Variants in PLXNA2 observed in about 807,000 individuals in gnomAD.
PLXNA2 encodes the protein plexin-A2.
Under a neutral mutation model 193.5 loss-of-function variants are expected in PLXNA2, and 91 were observed. The observed-to-expected ratio is 0.47, with a 90% CI of 0.40 to 0.56. PLXNA2 has a LOEUF of 0.56. Among genes scored for constraint, PLXNA2 ranks in the 20% least tolerant of loss-of-function variants. The probability of loss-of-function intolerance (pLI) is 0.00; values close to 1 mark genes in which losing one functional copy is unlikely to be tolerated. For missense variants in PLXNA2, 1,995 were observed against 2,503.2 expected, an observed-to-expected ratio of 0.80 and a Z score of 4.33; for synonymous variants, 997 against 1,027.3, an observed-to-expected ratio of 0.97 and a Z score of 0.56.
chr1:208,115,606 G>A (rs1667611577), intron 4 of PLXNA2, among the ~76,000 whole-genome samples: 1 of 152,128 alleles, frequency 6.6e-6, no homozygotes, highest in Non-Finnish European at 1.5e-5. Flanking sequence ...CCTGTACCTT[G>A]CTGATAGCTG....
chr1:208,107,273 G>A (rs1667300041), intron 4 of PLXNA2, among the ~76,000 whole-genome samples: 1 of 152,158 alleles, frequency 6.6e-6, no homozygotes, highest in Non-Finnish European at 1.5e-5. Context: ...TTCTTACGCA[G>A]GCCAACCACT....
intron 3 of PLXNA2, among the ~76,000 whole-genome samples, chr1:208,148,104 T>C (rs1381053309): frequency 1.3e-5 from 2 of 152,204 alleles, no homozygotes; most frequent in Non-Finnish European, 2.9e-5. Flanking sequence ...TCAGCTTCTT[T>C]TCTTGAATAT....
rs1268981120 is a variant in PLXNA2 at position 208,024,161 on chromosome 1, G to A, written c.*3082C>T. ...TGTCTCTTGTGCAGATCAATGAAAC[G>A]AAGCGAAGCTGGATAGACTTTGGAG... On this transcript the variant is annotated 3_prime_UTR_variant, in exon 32 of 32. Transcript: ENST00000367033. The A allele has an allele frequency of 1.3e-5, 2 of 152,248 alleles. No homozygotes were observed. Among genetic ancestry groups the A allele is most frequent in the South Asian group, 2.1e-4 (1 of 4,830 alleles). The allele number at this position is 152,248 out of a possible 1,614,324, so 9.4% of individuals were successfully genotyped here. A position where few individuals can be genotyped will look rare whatever the true frequency, so the allele number is the denominator to read the frequency against.
Position 208,027,181 on chromosome 1 carries a change from T to G in PLXNA2, c.*62A>C. 67 of 1,395,494 alleles carry G rather than the reference T, an allele frequency of 4.8e-5. No individual in the cohort carries two copies. The highest frequency in any genetic ancestry group is 6.3e-5 in the Non-Finnish European group (62 of 987,658). 86.4% of individuals were successfully genotyped at this position (1,395,494 alleles called of 1,614,324 possible). Reference sequence around the variant, plus strand: ...GATCCCCATCACTTGTCCTTCCATCTGAGACTCCCAGTGTGACAGCTTGGA... The same window carrying G: ...GATCCCCATCACTTGTCCTTCCATCGGAGACTCCCAGTGTGACAGCTTGGA... On this transcript the variant is annotated 3_prime_UTR_variant, in exon 32 of 32. Transcript: ENST00000367033.
intron 1 of PLXNA2, among the ~76,000 whole-genome samples, chr1:208,237,961 GA>G (rs1268448462): frequency 6.6e-6 from 1 of 152,184 alleles, no homozygotes; most frequent in African/African-American, 2.4e-5. Context: ...AAACTTAAAT[GA>G]ATTCCAATTC....
intron 3 of PLXNA2, among the ~76,000 whole-genome samples, chr1:208,197,024 G>C (rs1670383009): frequency 6.6e-6 from 1 of 152,162 alleles, no homozygotes; most frequent in Non-Finnish European, 1.5e-5. Context: ...GTATTATTAT[G>C]ACCTTTTTAA....
chr1:208,033,189 T>A, intron 28 of PLXNA2, 130 bp downstream of exon 28: 1 of 848,498 alleles, frequency 1.2e-6, no homozygotes, highest in Non-Finnish European at 1.8e-6. Context: ...AGCCACCAGG[T>A]CTGGCTGTAC....
Position 208,028,261 on chromosome 1 carries a change from C to T in PLXNA2, c.5439-102G>A, listed in dbSNP as rs967667357. On this transcript the variant is annotated intron_variant, in intron 30 of 31. Transcript: ENST00000367033. The surrounding 1 kb of genome is among the most constrained non-coding windows in gnomAD (Gnocchi z 4.2). ...TCGAGGGCACTGATGTACCCAGTTGCTCCTGCCTCCCTATTTCTCTTCTGA... is the reference window on the plus strand; with the variant it reads ...TCGAGGGCACTGATGTACCCAGTTGTTCCTGCCTCCCTATTTCTCTTCTGA... The T allele has an allele frequency of 1.9e-6, 2 of 1,069,036 alleles. No homozygotes were observed. Among genetic ancestry groups the T allele is most frequent in the Non-Finnish European group, 2.7e-6 (2 of 749,660 alleles). The allele number at this position is 1,069,036 out of a possible 1,614,324, so 66.2% of individuals were successfully genotyped here. A position where few individuals can be genotyped will look rare whatever the true frequency, so the allele number is the denominator to read the frequency against.
intron 17 of PLXNA2, among the ~76,000 whole-genome samples, chr1:208,047,784 T>C (rs1455810946): frequency 6.6e-6 from 1 of 152,262 alleles, no homozygotes; most frequent in Non-Finnish European, 1.5e-5. Context: ...ATAGAGATTA[T>C]GTCAGAGCTT....
chr1:208,087,002 A>T lies in PLXNA2; in HGVS notation c.2098-2422T>A, dbSNP rs1233446972. ...CTCTGTGTGTGTGTGAGAGAGAGAG[A>T]GAGAGAGAGAGAGACAGACAGACAG... On this transcript the variant is annotated intron_variant, in intron 9 of 31. Coordinates refer to ENST00000367033, the MANE Select transcript of PLXNA2 (RefSeq NM_025179.4). Among the ~76,000 whole-genome samples, 171 of 126,952 alleles carry T rather than the reference A, an allele frequency of 1.3e-3. 1 individual carries two copies. The highest frequency in any genetic ancestry group is 3.4e-3 in the African/African-American group (129 of 37,872). 83.3% of individuals were successfully genotyped at this position (126,952 alleles called of 152,430 possible).
intron 3 of PLXNA2, among the ~76,000 whole-genome samples, chr1:208,195,723 G>A (rs1209877969): frequency 1.3e-5 from 2 of 152,044 alleles, no homozygotes; most frequent in Non-Finnish European, 2.9e-5. Context: ...ACACAGACTG[G>A]CTGCAGCCCA....
chr1:208,071,580 C>T (rs905224699), intron 12 of PLXNA2, among the ~76,000 whole-genome samples: 37 of 152,196 alleles, frequency 2.4e-4, no homozygotes, highest in Admixed American at 9.8e-4. Context: ...GCCCAGCTGA[C>T]GAGCTCTGTA....
intron 12 of PLXNA2, among the ~76,000 whole-genome samples, chr1:208,070,490 T>G (rs929812270): frequency 3.3e-5 from 5 of 152,242 alleles, no homozygotes; most frequent in Admixed American, 6.5e-5. Context: ...TTCCCATTTC[T>G]GCAGCAGGCT....
intron 12 of PLXNA2, among the ~76,000 whole-genome samples, chr1:208,064,808 G>C (rs1182523698): frequency 6.6e-6 from 1 of 152,084 alleles, no homozygotes; most frequent in Non-Finnish European, 1.5e-5. Flanking sequence ...TCCAGAGCGG[G>C]AGTGAGCAGG....
chr1:208,203,743 TACA>T (rs1670624831), intron 3 of PLXNA2, among the ~76,000 whole-genome samples: 3 of 150,226 alleles, frequency 2.0e-5, no homozygotes, highest in Non-Finnish European at 4.4e-5. Flanking sequence ...TTAGTATAGC[TACA>T]GCTCAGTTTC....
At chr1:208,136,273 T>G (rs908704442) in intron 4 of PLXNA2, among the ~76,000 whole-genome samples, 1 of 152,210 alleles carries the variant, frequency 6.6e-6, no homozygotes, top group Non-Finnish European at 1.5e-5. Flanking sequence ...CATAATAAAA[T>G]GTGTTTTTAA....
chr1:208,214,839 T>C (rs1671074955), intron 2 of PLXNA2, among the ~76,000 whole-genome samples: 1 of 152,190 alleles, frequency 6.6e-6, no homozygotes, highest in Admixed American at 6.5e-5. Flanking sequence ...GATGCTAAGG[T>C]GCTTCTGAAG....
At chr1:208,141,465 A>G (rs1668453427) in intron 4 of PLXNA2, among the ~76,000 whole-genome samples, 1 of 152,198 alleles carries the variant, frequency 6.6e-6, no homozygotes, top group South Asian at 2.1e-4. Flanking sequence ...CAGTGTCCTC[A>G]GCTGCTGGGA....
At chr1:208,216,595 C>T (rs1558249461) in intron 2 of PLXNA2, 140 bp downstream of exon 2, 2 of 919,354 alleles carry the variant, frequency 2.2e-6, no homozygotes, top group Admixed American at 2.8e-5. Flanking sequence ...TTATTGGTTA[C>T]CACCTGATAA....
Sources: gnomAD v4.1 joint callset for allele counts (sites outside exome capture counted in the v4.1 genomes callset) on GRCh38, gnomAD v4.1.1 for gene constraint, Gnocchi (gnomAD v3.1) non-coding constraint, MANE v1.5 for transcripts, NCBI Gene and HGNC (gene_info 2026-07-23, HGNC 2026-07-21) for gene names.